SV2B: variants seen among roughly 807,000 people sequenced by gnomAD.
The protein encoded by SV2B is synaptic vesicle glycoprotein 2B.
In SV2B, 41 loss-of-function variants were observed where a neutral mutation model predicts 73.9. The ratio of observed to expected loss-of-function variants is 0.56; its 90% confidence interval spans 0.43 to 0.72. The LOEUF (loss-of-function observed/expected upper bound fraction) is 0.72. SV2B is among the 30% of genes least tolerant of loss of function. SV2B has a pLI of 0.00. For missense variants in SV2B, 764 were observed against 857.8 expected (o/e 0.89, Z 1.37); for synonymous variants, 314 against 314.2 (o/e 1.00, Z 0.01).
rs1182086393 is a variant in SV2B, at chr15:91,284,695, G to C, written c.1708+474G>C. On this transcript the variant is annotated intron_variant, in intron 11 of 12. Transcript: ENST00000394232. This position sits in a 1 kb window ranked among gnomAD's most constrained non-coding sequence, Gnocchi z 4.5. ...TATCACCGAAAGGCTGTTTGACCTT[G>C]AATGTGTTCCTTTACTTCTCTGGGC... 1.3e-5 allele frequency among the ~76,000 whole-genome samples: 2 copies of C among 152,170 alleles called. No individual in the cohort carries two copies. Among genetic ancestry groups the C allele is most frequent in the East Asian group, 1.9e-4 (1 of 5,198 alleles).
chr15:91,216,461 T>C (rs913043877), intron 1 of SV2B, among the ~76,000 whole-genome samples: 3 of 151,228 alleles, frequency 2.0e-5, no homozygotes, highest in Non-Finnish European at 2.9e-5. Flanking sequence ...ATTTTCTTTC[T>C]TTTCTTTTTT....
At chr15:91,134,986 T>A (rs1009770208) in intron 1 of SV2B, among the ~76,000 whole-genome samples, 1 of 144,186 alleles carries the variant, frequency 6.9e-6, no homozygotes, top group Non-Finnish European at 1.5e-5. Context: ...TATAACAGTA[T>A]TTCTCAACCT....
intron 1 of SV2B, among the ~76,000 whole-genome samples, chr15:91,192,911 G>A (rs2045096351): frequency 6.6e-6 from 1 of 152,238 alleles, no homozygotes; most frequent in Non-Finnish European, 1.5e-5. Context: ...GATGGATGCA[G>A]TACATTGGCT....
At chr15:91,277,797 G>A (rs756009092) in intron 9 of SV2B, among the ~76,000 whole-genome samples, 30 of 152,090 alleles carry the variant, frequency 2.0e-4, no homozygotes, top group Non-Finnish European at 3.7e-4. Context: ...ATATGAATTT[G>A]TTCTACTATT....
At chr15:91,111,061 C>T (rs530198883) in intron 1 of SV2B, among the ~76,000 whole-genome samples, 10 of 152,050 alleles carry the variant, frequency 6.6e-5, no homozygotes, top group East Asian at 3.9e-4. Flanking sequence ...TTGGTGGCGC[C>T]GCCCACGTCT....
chr15:91,194,881 C>T lies in SV2B; in HGVS notation c.-391-30992C>T, dbSNP rs779949715. 6.6e-5 allele frequency among the ~76,000 whole-genome samples: 10 copies of T among 152,162 alleles called. No homozygotes were observed. The South Asian group carries it at 8.3e-4, about 13-fold the overall frequency. Reference sequence around the variant, plus strand: ...GTTGACCAATGAAGTGAATGTGAAACGGCCTGTGTCTATGTGGTTGTGTCT... The same window carrying T: ...GTTGACCAATGAAGTGAATGTGAAATGGCCTGTGTCTATGTGGTTGTGTCT... On this transcript the variant is annotated intron_variant, in intron 1 of 12. Transcript: ENST00000394232.
intron 6 of SV2B, among the ~76,000 whole-genome samples, chr15:91,262,381 A>G (rs2141660351): frequency 6.6e-6 from 1 of 152,354 alleles, no homozygotes; most frequent in African/African-American, 2.4e-5. Context: ...AATTTTATGG[A>G]AAATTCCTCA....
chr15:91,162,065 CT>C (rs896299129), intron 1 of SV2B, among the ~76,000 whole-genome samples: 3 of 151,870 alleles, frequency 2.0e-5, no homozygotes, highest in African/African-American at 7.3e-5. Context: ...AATGAATTAC[CT>C]TTTTTTTGGG....
intron 1 of SV2B, among the ~76,000 whole-genome samples, chr15:91,163,421 A>C (rs144568814): frequency 2.6e-5 from 4 of 152,108 alleles, no homozygotes; most frequent in South Asian, 2.1e-4. Context: ...CCTCTCCAGT[A>C]CCTGTTGTTT....
At chr15:91,243,898 C>T (rs1483199744) in intron 2 of SV2B, among the ~76,000 whole-genome samples, 1 of 152,152 alleles carries the variant, frequency 6.6e-6, no homozygotes, top group African/African-American at 2.4e-5. Context: ...GGCGGTTCTG[C>T]TCTTCTGCTG....
chr15:91,147,301 C>A (rs1229616002), intron 1 of SV2B, among the ~76,000 whole-genome samples: 1 of 152,130 alleles, frequency 6.6e-6, no homozygotes, highest in Non-Finnish European at 1.5e-5. Flanking sequence ...GTCCTTCTGA[C>A]CTGGGAGTCC....
rs1464006349 is a variant in SV2B, at chr15:91,289,302, G to A, written c.1709-219G>A. On this transcript the variant is annotated intron_variant, in intron 11 of 12. Coordinates refer to ENST00000394232, the MANE Select transcript of SV2B (RefSeq NM_001323032.3). The surrounding 1 kb of genome is among the most constrained non-coding windows in gnomAD (Gnocchi z 4.9). ...TGACTTCAGAATCCTTCCTAAGTCT[G>A]GTGATCTGACCCACGCAGAGGGCTC... Among the ~76,000 whole-genome samples the A allele has an allele frequency of 6.6e-6, 1 of 152,192 alleles. No homozygotes were observed. The highest frequency in any genetic ancestry group is 1.5e-5 in the Non-Finnish European group (1 of 68,038).
rs190409278 is a variant in SV2B at position 91,239,375 on chromosome 15, C to T, written c.452-12444C>T. On this transcript the variant is annotated intron_variant, in intron 2 of 12. Transcript: ENST00000394232. This position sits in a 1 kb window ranked among gnomAD's most constrained non-coding sequence, Gnocchi z 5.1. ...GTCCTAGAAAAGGAAGTCTTGTGCT[C>T]GAAAGGAGACATGGTAACAGATTAT... is the stretch of plus-strand genomic sequence containing the variant. Among the ~76,000 whole-genome samples, 302 of 151,736 alleles carry T rather than the reference C, an allele frequency of 2.0e-3. No individual in the cohort carries two copies. The highest frequency in any genetic ancestry group is 5.8e-3 in the African/African-American group (240 of 41,324).
intron 9 of SV2B, among the ~76,000 whole-genome samples, chr15:91,278,125 T>A (rs996664545): frequency 6.6e-6 from 1 of 152,212 alleles, no homozygotes; most frequent in Non-Finnish European, 1.5e-5. Context: ...TTTGAGGAAG[T>A]AAGATGGCCA....
At chr15:91,150,568 C>T (rs1027164863) in intron 1 of SV2B, among the ~76,000 whole-genome samples, 3 of 152,176 alleles carry the variant, frequency 2.0e-5, no homozygotes, top group Non-Finnish European at 4.4e-5. Flanking sequence ...GTGAATGCCC[C>T]TCTTCTTCTT....
chr15:91,192,840 T>C (rs1368224522), intron 1 of SV2B, among the ~76,000 whole-genome samples: 2 of 152,200 alleles, frequency 1.3e-5, no homozygotes, highest in Admixed American at 6.5e-5. Flanking sequence ...GACTCATAGC[T>C]TGAAACCAAG....
In SV2B at chr15:91,226,340, A is replaced by G. The variant is rs1025737786; in HGVS notation, c.77A>G (p.Asn26Ser). The part of the protein sequence containing the change: ...SDGYYRGNES[N>S]PEEDAQSDVT... ...GGCTATTACCGCGGCAATGAGTCCA[A>G]CCCAGAAGAAGATGCACAGAGTGAT... Residue 26 changes from asparagine (N) to serine (S), a missense_variant, in exon 2 of 13, where the codon AAC becomes AGC. Coordinates refer to ENST00000394232, the MANE Select transcript of SV2B (RefSeq NM_001323032.3). 1.2e-6 allele frequency: 2 copies of G among 1,614,034 alleles called. No homozygotes were observed. Among genetic ancestry groups the G allele is most frequent in the African/African-American group, 2.7e-5 (2 of 74,914 alleles).
intron 1 of SV2B, among the ~76,000 whole-genome samples, chr15:91,157,351 C>G (rs1284879187): frequency 6.6e-6 from 1 of 152,068 alleles, no homozygotes; most frequent in Admixed American, 6.6e-5. Context: ...TTCAAAGCCC[C>G]ATGGGAGACC....
intron 1 of SV2B, among the ~76,000 whole-genome samples, chr15:91,145,105 A>G (rs1793126905): frequency 6.6e-6 from 1 of 152,090 alleles, no homozygotes; most frequent in Admixed American, 6.5e-5. Context: ...CCTAGTACCC[A>G]TTAGTTATTG....
Sources: gnomAD v4.1 joint callset for allele counts (sites outside exome capture counted in the v4.1 genomes callset) on GRCh38, gnomAD v4.1.1 for gene constraint, Gnocchi (gnomAD v3.1) non-coding constraint, MANE v1.5 for transcripts, NCBI Gene and HGNC (gene_info 2026-07-23, HGNC 2026-07-21) for gene names.